Variants in PDZK1IP1 observed in about 807,000 individuals in gnomAD.
PDZK1IP1 encodes PDZK1-interacting protein 1.
PDZK1IP1 carries 9 observed loss-of-function variants against 14.7 expected under a neutral mutation model. The observed-to-expected ratio is 0.61, with a 90% CI of 0.37 to 1.07. The LOEUF is 1.07. Ranked by LOEUF, PDZK1IP1 falls within the 50% of genes least tolerant of loss-of-function variation. PDZK1IP1 has a pLI of 0.01. For missense variants in PDZK1IP1, 152 were observed against 148.7 expected (o/e 1.02, Z -0.11); for synonymous variants, 70 against 61.2 (o/e 1.14, Z -0.67).
intron 3 of PDZK1IP1, among the ~76,000 whole-genome samples, 197 bp from the exon 4 acceptor site, chr1:47,184,240 C>T (rs1645302162): frequency 6.6e-6 from 1 of 151,700 alleles, no homozygotes; most frequent in African/African-American, 2.4e-5. Context: ...TGACACCTAT[C>T]TCCCTCCTCC....
chr1:47,185,296 C>A, intron 2 of PDZK1IP1, 199 bp from the exon 3 acceptor site: 1 of 573,848 alleles, frequency 1.7e-6, no homozygotes, highest in South Asian at 2.0e-5. Flanking sequence ...TAGTGGGGGG[C>A]CAAATATTTG....
intron 2 of PDZK1IP1, among the ~76,000 whole-genome samples, chr1:47,186,874 C>G (rs1007035716): frequency 3.3e-5 from 5 of 152,236 alleles, no homozygotes; most frequent in Admixed American, 6.5e-5. Context: ...GAACTTCTGA[C>G]AGCTCACTCC....
intron 1 of PDZK1IP1, among the ~76,000 whole-genome samples, chr1:47,189,607 A>G (rs552471914): frequency 3.9e-5 from 6 of 152,298 alleles, no homozygotes; most frequent in African/African-American, 1.4e-4. Flanking sequence ...CCCTTGGGCA[A>G]TGCCTGCTCT....
chr1:47,186,135 C>A (rs1018870410), intron 2 of PDZK1IP1, among the ~76,000 whole-genome samples: 18 of 152,014 alleles, frequency 1.2e-4, no homozygotes, highest in Admixed American at 3.9e-4. Flanking sequence ...AGAGTGAAAC[C>A]TGTCTCTACT....
intron 3 of PDZK1IP1, 96 bp downstream of exon 3, chr1:47,184,906 C>G: frequency 1.0e-6 from 1 of 976,988 alleles, no homozygotes; most frequent in Non-Finnish European, 1.6e-6. Context: ...ACATGAGTCT[C>G]CGTCCTCCCC....
At chr1:47,188,264 C>T (rs1645332013) in intron 1 of PDZK1IP1, among the ~76,000 whole-genome samples, 1 of 152,200 alleles carries the variant, frequency 6.6e-6, no homozygotes, top group South Asian at 2.1e-4. Context: ...CCTTGGCCTC[C>T]CAAAGTGCTG....
rs1645299392 is a variant in PDZK1IP1 at position 47,183,811 on chromosome 1, T to C, written c.*160A>G. 3.0e-6 allele frequency: 2 copies of C among 661,868 alleles called. No individual in the cohort carries two copies. Among genetic ancestry groups the C allele is most frequent in the African/African-American group, 1.8e-5 (1 of 55,560 alleles). The allele number at this position is 661,868 out of a possible 1,614,324, so 41.0% of individuals were successfully genotyped here. On this transcript the variant is annotated 3_prime_UTR_variant, in exon 4 of 4. Transcript: ENST00000294338. ...CCTAGACACGGTCTGAGCTCCAACC[T>C]TGGCTGGCTATACTTCAAGGGCGGG...
chr1:47,189,722 G>T (rs1385909526), intron 1 of PDZK1IP1, 144 bp downstream of exon 1: 6 of 557,540 alleles, frequency 1.1e-5, no homozygotes, highest in South Asian at 2.6e-5. Flanking sequence ...TGGTTCAGAG[G>T]TCTCTGCCTT....
intron 3 of PDZK1IP1, 114 bp downstream of exon 3, chr1:47,184,888 T>C (rs951357197): frequency 1.0e-5 from 8 of 797,640 alleles, no homozygotes; most frequent in Non-Finnish European, 1.7e-5. Context: ...CCTCACTAGC[T>C]TTTGCCCACA....
rs372002988 is a variant in PDZK1IP1, at chr1:47,187,327, C to T, written c.168G>A (p.Gln56=). 3.0e-5 allele frequency: 49 copies of T among 1,612,186 alleles called. No homozygotes were observed. Among genetic ancestry groups the T allele is most frequent in the Non-Finnish European group, 4.1e-5 (48 of 1,179,484 alleles). ...CCTTGGGCAGCACTCACGGCTCCTC[C>T]TGGCACCAGAAGTGGTTGACTGCAA... The part of the protein sequence containing the change: ...IAFAVNHFWC[Q]EEPEPAHMIL... Residue 56 remains glutamine, a synonymous_variant, in exon 2 of 4, where the codon CAG becomes CAA. Transcript: ENST00000294338.
At position 47,185,072 on chromosome 1, in the gene PDZK1IP1, C is replaced by T. The variant is rs35912227; in HGVS notation, c.202G>A (p.Val68Ile). The change falls in exon 3 of 4, where the codon GTC becomes ATC. Residue 68 changes from valine to isoleucine, a missense_variant. By Grantham distance (29) the Val-to-Ile change is conservative. Transcript: ENST00000294338. ...EPEPAHMILT[V>I]GNKADGVLVG... ...AGGACTCCATCTGCCTTGTTTCCGA[C>T]GGTCAGGATCATGTGTGCAGGCTCC... 2,875 of 1,613,244 alleles carry T rather than the reference C, an allele frequency of 1.8e-3. 9 individuals carry two copies. The highest frequency in any genetic ancestry group is 1.9e-3 in the South Asian group (177 of 91,086).
rs896891514 is a variant in PDZK1IP1 at position 47,183,606 on chromosome 1, G to A, written c.*365C>T. 2 of 239,776 alleles carry A rather than the reference G, an allele frequency of 8.3e-6. No individual in the cohort carries two copies. The highest frequency in any genetic ancestry group is 8.0e-5 in the South Asian group (1 of 12,440). The allele number at this position is 239,776 out of a possible 1,614,324, so 14.9% of individuals were successfully genotyped here. A position where few individuals can be genotyped will look rare whatever the true frequency, so the allele number is the denominator to read the frequency against. ...ATGGGGACTCACTGGAAGCCTGAGG[G>A]GCTGTTGCTGAGCCTCAGCCCCAGA... is the stretch of plus-strand genomic sequence containing the variant. On this transcript the variant is annotated 3_prime_UTR_variant, in exon 4 of 4. Coordinates refer to ENST00000294338, the MANE Select transcript of PDZK1IP1 (RefSeq NM_005764.4).
intron 2 of PDZK1IP1, among the ~76,000 whole-genome samples, chr1:47,185,502 A>G (rs569638336): frequency 6.6e-6 from 1 of 152,194 alleles, no homozygotes; most frequent in South Asian, 2.1e-4. Context: ...AAGGGCATTC[A>G]ACAACAACCT....
chr1:47,184,193 T>C, intron 3 of PDZK1IP1, 150 bp from the exon 4 acceptor site: 1 of 663,202 alleles, frequency 1.5e-6, no homozygotes, highest in Non-Finnish European at 2.7e-6. Context: ...TCTGGGCTTA[T>C]GCATCCGAGA....
Position 47,183,684 on chromosome 1 carries a change from G to C in PDZK1IP1, c.*287C>G. On this transcript the variant is annotated 3_prime_UTR_variant, in exon 4 of 4. Coordinates refer to ENST00000294338, the MANE Select transcript of PDZK1IP1 (RefSeq NM_005764.4). ...ATTAGGGCCATTTCCATAGTTATGGGGAAGGACGTGTGAGCAGGATGGGAG... is the reference window on the plus strand; with the variant it reads ...ATTAGGGCCATTTCCATAGTTATGGCGAAGGACGTGTGAGCAGGATGGGAG... 2.2e-6 allele frequency: 1 copy of C among 457,642 alleles called. No homozygotes were observed. The highest frequency in any genetic ancestry group is 3.5e-5 in the East Asian group (1 of 28,496). 28.3% of individuals were successfully genotyped at this position (457,642 alleles called of 1,614,324 possible).
At chr1:47,186,633 C>T (rs1215700086) in intron 2 of PDZK1IP1, among the ~76,000 whole-genome samples, 2 of 152,274 alleles carry the variant, frequency 1.3e-5, no homozygotes, top group African/African-American at 4.8e-5. Flanking sequence ...ACCTGCCCTT[C>T]ACCTGTGTGT....
At chr1:47,185,972 G>A (rs921059903) in intron 2 of PDZK1IP1, among the ~76,000 whole-genome samples, 13 of 152,096 alleles carry the variant, frequency 8.5e-5, no homozygotes, top group African/African-American at 3.1e-4. Flanking sequence ...GGCAGCCAGA[G>A]TCATTCTGCT....
chr1:47,185,134 G>A lies in PDZK1IP1; in HGVS notation c.177-37C>T, dbSNP rs562052521. The A allele has an allele frequency of 7.3e-5, 111 of 1,519,136 alleles. 1 individual carries two copies. In the South Asian group the frequency reaches 1.1e-3, roughly 15 times the overall value. The allele number at this position is 1,519,136 out of a possible 1,614,324, so 94.1% of individuals were successfully genotyped here. A position where few individuals can be genotyped will look rare whatever the true frequency, so the allele number is the denominator to read the frequency against. On this transcript the variant is annotated intron_variant, in intron 2 of 3. Transcript: ENST00000294338. Reference sequence around the variant, plus strand: ...ATTCATCAGTGGGGCTCCTCAGTGGGGCCCCCCTCGTCCAAGCAGACCCTA... The same window carrying A: ...ATTCATCAGTGGGGCTCCTCAGTGGAGCCCCCCTCGTCCAAGCAGACCCTA...
chr1:47,185,904 C>A (rs1645316690), intron 2 of PDZK1IP1, among the ~76,000 whole-genome samples: 1 of 152,130 alleles, frequency 6.6e-6, no homozygotes, highest in African/African-American at 2.4e-5. Flanking sequence ...CACCCCCTCA[C>A]CACTCTCCAG....
Sources: allele counts gnomAD v4.1 joint callset (sites outside exome capture counted in the v4.1 genomes callset), GRCh38; gene constraint gnomAD v4.1.1; transcripts MANE v1.5; gene names NCBI Gene and HGNC (gene_info 2026-07-23, HGNC 2026-07-21).